PTCHD4: variants seen among roughly 807,000 people sequenced by gnomAD.
PTCHD4 encodes the protein patched domain containing 4.
A neutral mutation model predicts 58.1 loss-of-function variants in PTCHD4; 33 were observed. That is an observed-to-expected ratio of 0.57 (90% CI 0.43 to 0.76). The LOEUF (loss-of-function observed/expected upper bound fraction) is 0.76. Among genes scored for constraint, PTCHD4 ranks in the 30% least tolerant of loss-of-function variants. The pLI is 0.00. For missense variants in PTCHD4, 1,058 were observed against 1,027.1 expected (o/e 1.03, Z -0.41); for synonymous variants, 478 against 409.6 (o/e 1.17, Z -2.02).
Position 47,857,763 on chromosome 6 carries a change from A to G in PTCHD4, c.*20540T>C, listed in dbSNP as rs2114051442. On this transcript the variant is annotated 3_prime_UTR_variant, in exon 5 of 5. Coordinates refer to ENST00000339488, the MANE Select transcript of PTCHD4 (RefSeq NM_001384253.1). The stretch of plus-strand genomic sequence containing the variant: ...CATTGTGAAGTAAATCATCTAGTAA[A>G]GATGACACTACATTGAGCACACAGG... 6.6e-6 allele frequency among the ~76,000 whole-genome samples: 1 copy of G among 152,156 alleles called. No homozygotes were observed. The highest frequency in any genetic ancestry group is 1.5e-5 in the Non-Finnish European group (1 of 67,968).
At chr6:48,094,364 G>C (rs1157255558) in intron 1 of PTCHD4, among the ~76,000 whole-genome samples, 1 of 152,196 alleles carries the variant, frequency 6.6e-6, no homozygotes, top group Admixed American at 6.5e-5. Flanking sequence ...AACTTGTTTG[G>C]AGAATTTTGG....
chr6:47,932,552 G>A (rs1018675159), intron 4 of PTCHD4, among the ~76,000 whole-genome samples: 4 of 152,208 alleles, frequency 2.6e-5, no homozygotes, highest in Non-Finnish European at 5.9e-5. Flanking sequence ...GTGTGATTCA[G>A]TAACTATGTT....
At position 48,045,811 on chromosome 6, in the gene PTCHD4, T is replaced by G. The variant is rs1194836754; in HGVS notation, c.417+22419A>C. ...TTTTTCCCACTCAGCTCTGCAGCTTTGAGTACAGAGATTGACTTTAACGCA... is the reference window on the plus strand; with the variant it reads ...TTTTTCCCACTCAGCTCTGCAGCTTGGAGTACAGAGATTGACTTTAACGCA... On this transcript the variant is annotated intron_variant, in intron 3 of 4. Transcript: ENST00000339488. 2.0e-5 allele frequency among the ~76,000 whole-genome samples: 3 copies of G among 151,470 alleles called. No individual in the cohort carries two copies. The East Asian group carries it at 5.8e-4, about 29-fold the overall frequency.
intron 4 of PTCHD4, among the ~76,000 whole-genome samples, chr6:47,997,736 C>T (rs1304032992): frequency 6.6e-6 from 1 of 152,160 alleles, no homozygotes; most frequent in Admixed American, 6.6e-5. Context: ...AACTATGATA[C>T]ACAAACACTT....
chr6:48,104,701 A>G (rs1765682378), intron 1 of PTCHD4, among the ~76,000 whole-genome samples: 1 of 152,356 alleles, frequency 6.6e-6, no homozygotes, highest in Admixed American at 6.5e-5. Flanking sequence ...TGTATTCAGG[A>G]AACCTATCTC....
At chr6:48,110,633 A>G (rs958477092) in intron 1 of PTCHD4, among the ~76,000 whole-genome samples, 6 of 135,932 alleles carry the variant, frequency 4.4e-5, no homozygotes, top group African/African-American at 1.8e-4. Context: ...TGGTTTTACC[A>G]CACACACACA....
Position 48,068,630 on chromosome 6 carries a change from G to T in PTCHD4, c.17C>A (p.Ala6Glu). ...CCTCCACCAGATCCAGCTCGCAGGC[G>T]CTCCCGGCCGTCTTAAAAAGCACAT... is the stretch of plus-strand genomic sequence containing the variant. MRRPGAPASWIWWRML... is the reference protein window; with the variant it reads MRRPGEPASWIWWRML... Residue 6 changes from alanine to glutamate, a missense_variant, in exon 3 of 5, where the codon GCG (alanine) becomes GAG (glutamate). By Grantham distance (107) the Ala-to-Glu change is moderately radical (BLOSUM62 -1). Coordinates refer to ENST00000339488, the MANE Select transcript of PTCHD4 (RefSeq NM_001384253.1). This position sits in a 1 kb window ranked among gnomAD's most constrained non-coding sequence, Gnocchi z 4.2. 6.4e-7 allele frequency: 1 copy of T among 1,553,470 alleles called. No individual in the cohort carries two copies. Among genetic ancestry groups the T allele is most frequent in the Non-Finnish European group, 8.7e-7 (1 of 1,154,554 alleles).
chr6:48,093,397 T>C (rs758080436), intron 1 of PTCHD4, among the ~76,000 whole-genome samples: 1 of 152,150 alleles, frequency 6.6e-6, no homozygotes, highest in African/African-American at 2.4e-5. Context: ...GAAATTAAAC[T>C]TTTTAAATTT....
Position 47,873,351 on chromosome 6 carries a change from G to A in PTCHD4, c.*4952C>T, listed in dbSNP as rs1031824351. Among the ~76,000 whole-genome samples, 1 of 151,582 alleles carries A rather than the reference G, an allele frequency of 6.6e-6. No individual in the cohort carries two copies. Among genetic ancestry groups the A allele is most frequent in the African/African-American group, 2.4e-5 (1 of 41,348 alleles). On this transcript the variant is annotated 3_prime_UTR_variant, in exon 5 of 5. Transcript: ENST00000339488. ...ACAGACATCTTGATTTCTGAGATGT[G>A]GGCTCATCTCTCAATATCCTTCCAG... is the stretch of plus-strand genomic sequence containing the variant.
intron 4 of PTCHD4, among the ~76,000 whole-genome samples, chr6:47,994,758 A>G (rs1768415334): frequency 6.6e-6 from 1 of 152,206 alleles, no homozygotes; most frequent in Non-Finnish European, 1.5e-5. Flanking sequence ...CTTGGCTGAA[A>G]TGCTACGGAA....
intron 1 of PTCHD4, among the ~76,000 whole-genome samples, chr6:48,071,194 T>C (rs1414275803): frequency 6.6e-6 from 1 of 152,212 alleles, no homozygotes; most frequent in African/African-American, 2.4e-5. Context: ...AGTGTTATTG[T>C]CTTTTTTCTT....
chr6:48,057,693 G>C (rs1368861540), intron 3 of PTCHD4, among the ~76,000 whole-genome samples: 1 of 152,174 alleles, frequency 6.6e-6, no homozygotes, highest in East Asian at 1.9e-4. Context: ...AAGAAACCAG[G>C]AAAGTTCAAG....
intron 4 of PTCHD4, among the ~76,000 whole-genome samples, chr6:47,938,724 C>A (rs990165954): frequency 6.6e-6 from 1 of 152,178 alleles, no homozygotes; most frequent in East Asian, 1.9e-4. Flanking sequence ...TTCTGCTACA[C>A]AAGTACAGTT....
chr6:47,921,694 G>T (rs1561958460), intron 4 of PTCHD4, among the ~76,000 whole-genome samples: 1 of 152,064 alleles, frequency 6.6e-6, no homozygotes, highest in African/African-American at 2.4e-5. Flanking sequence ...TGAAGACAAG[G>T]ACATCTTCTG....
At chr6:47,992,201 A>G (rs554437021) in intron 4 of PTCHD4, among the ~76,000 whole-genome samples, 1 of 152,142 alleles carries the variant, frequency 6.6e-6, no homozygotes, top group African/African-American at 2.4e-5. Flanking sequence ...ACAGAAAACT[A>G]TTTCTAGAGA....
At chr6:47,910,803 C>T (rs955745304) in intron 4 of PTCHD4, among the ~76,000 whole-genome samples, 4 of 152,098 alleles carry the variant, frequency 2.6e-5, no homozygotes, top group Admixed American at 1.3e-4. Context: ...ATAACACCCT[C>T]GCTGAGACTT....
rs1315034163 is a variant in PTCHD4 at position 47,872,132 on chromosome 6, A to C, written c.*6171T>G. ...TCCGTGTCCAGGGAGAGATTCTAGT[A>C]ACCATATTACATTAGATAATTTAAA... is the stretch of plus-strand genomic sequence containing the variant. On this transcript the variant is annotated 3_prime_UTR_variant, in exon 5 of 5. Transcript: ENST00000339488. 1.3e-5 allele frequency among the ~76,000 whole-genome samples: 2 copies of C among 151,568 alleles called. No homozygotes were observed. Among genetic ancestry groups the C allele is most frequent in the African/African-American group, 4.8e-5 (2 of 41,332 alleles).
intron 4 of PTCHD4, among the ~76,000 whole-genome samples, chr6:47,920,103 G>GT (rs1765384970): frequency 6.6e-6 from 1 of 152,106 alleles, no homozygotes; most frequent in African/African-American, 2.4e-5. Context: ...GGAAGTTCAA[G>GT]TATTGATTGT....
At chr6:48,050,306 A>G (rs1764185089) in intron 3 of PTCHD4, among the ~76,000 whole-genome samples, 1 of 152,028 alleles carries the variant, frequency 6.6e-6, no homozygotes. Flanking sequence ...ATATACTTTT[A>G]TTAGTTCTAA....
Sources: allele counts gnomAD v4.1 joint callset (sites outside exome capture counted in the v4.1 genomes callset), GRCh38; gene constraint gnomAD v4.1.1; non-coding constraint Gnocchi (gnomAD v3.1); transcripts MANE v1.5; gene names NCBI Gene and HGNC (gene_info 2026-07-23, HGNC 2026-07-21).